The following PCDHA10 variants were observed in gnomAD, a reference collection of about 807,000 sequenced individuals.
The protein encoded by PCDHA10 is protocadherin alpha-10.
Under a neutral mutation model 61.2 loss-of-function variants are expected in PCDHA10, and 45 were observed. The ratio of observed to expected loss-of-function variants is 0.74; its 90% confidence interval spans 0.58 to 0.94. The LOEUF (loss-of-function observed/expected upper bound fraction) is 0.94. Ranked by LOEUF, PCDHA10 falls within the 40% of genes least tolerant of loss-of-function variation. PCDHA10 has a pLI of 0.00. For missense variants in PCDHA10, 1,278 were observed against 1,236.2 expected (o/e 1.03, Z -0.51); for synonymous variants, 602 against 548.8 (o/e 1.10, Z -1.35).
chr5:140,967,794 T>G, intron 1 of PCDHA10: 1 of 1,614,178 alleles, frequency 6.2e-7, no homozygotes. Flanking sequence ...CGGGGTCCAG[T>G]GCCCATGGCA....
In PCDHA10 at chr5:140,856,784, T is replaced by A; in HGVS notation, c.736T>A (p.Tyr246Asn). The A allele has an allele frequency of 6.3e-7, 1 of 1,596,522 alleles. No homozygotes were observed. Residue 246 changes from tyrosine to asparagine, a missense_variant, in exon 1 of 4, where the codon TAT becomes AAT. Physicochemically the swap from Tyr to Asn is moderately radical, Grantham distance 143. Coordinates refer to ENST00000307360, the MANE Select transcript of PCDHA10 (RefSeq NM_018901.4). The stretch of plus-strand genomic sequence containing the variant: ...CGCCCCTATCTTTGACAGACCGGTT[T>A]ATGAAGTTAAGATGTATGAAAATCA... ...DNAPIFDRPV[Y>N]EVKMYENQVN...
In PCDHA10 at chr5:140,929,533, A is replaced by G; in HGVS notation, c.2389-49416A>G. 8.5e-6 allele frequency: 5 copies of G among 588,644 alleles called. No individual in the cohort carries two copies. The East Asian group carries it at 1.3e-4, about 16-fold the overall frequency. The allele number at this position is 588,644 out of a possible 1,614,324, so 36.5% of individuals were successfully genotyped here. The stretch of plus-strand genomic sequence containing the variant: ...AAGGGACTTATAGTTTATTTTTGAG[A>G]AACAAGGGCAAAAATTAAAACCTAT... On this transcript the variant is annotated intron_variant, in intron 1 of 3. Coordinates refer to ENST00000307360, the MANE Select transcript of PCDHA10 (RefSeq NM_018901.4).
In PCDHA10 at chr5:140,856,435, G is replaced by T; in HGVS notation, c.387G>T (p.Pro129=). Reference sequence around the variant, plus strand: ...AAGTGAAGGACATTAACGACAACCCGCCCAGGTTCTCCGTAACAGAACAAA... The same window carrying T: ...AAGTGAAGGACATTAACGACAACCCTCCCAGGTTCTCCGTAACAGAACAAA... The part of the protein sequence containing the change: ...DVEVKDINDN[P]PRFSVTEQKL... Residue 129 remains proline, a synonymous_variant, in exon 1 of 4, where the codon CCG becomes CCT. Transcript: ENST00000307360. 1.9e-6 allele frequency: 3 copies of T among 1,598,320 alleles called. No homozygotes were observed. Among genetic ancestry groups the T allele is most frequent in the Non-Finnish European group, 2.6e-6 (3 of 1,167,900 alleles).
At chr5:140,966,259 G>C (rs1358322921) in intron 1 of PCDHA10, 1 of 340,612 alleles carries the variant, frequency 2.9e-6, no homozygotes, top group Non-Finnish European at 5.3e-6. Context: ...AGACGGTGGA[G>C]ACTGGATGAA....
chr5:140,932,703 G>A (rs1218359293), intron 1 of PCDHA10, among the ~76,000 whole-genome samples: 2 of 151,660 alleles, frequency 1.3e-5, no homozygotes, highest in Non-Finnish European at 3.0e-5. Flanking sequence ...AACTCATATA[G>A]ACAACACAAT....
chr5:140,970,872 T>C (rs2096439604), intron 1 of PCDHA10, among the ~76,000 whole-genome samples: 3 of 152,158 alleles, frequency 2.0e-5, no homozygotes, highest in African/African-American at 7.2e-5. Flanking sequence ...TGATTGAGAG[T>C]AGATTTTTCT....
At chr5:140,881,361 C>A (rs990387338) in intron 1 of PCDHA10, 6 of 985,126 alleles carry the variant, frequency 6.1e-6, no homozygotes, top group Non-Finnish European at 7.2e-6. Context: ...GCGTGGCTTT[C>A]GTATGAATTG....
At chr5:140,902,071 T>G (rs1288333473) in intron 1 of PCDHA10, among the ~76,000 whole-genome samples, 1 of 152,186 alleles carries the variant, frequency 6.6e-6, no homozygotes, top group African/African-American at 2.4e-5. Flanking sequence ...TTTACTGAAT[T>G]TATTGTTTTA....
chr5:140,982,596 G>A, intron 3 of PCDHA10, 33 bp downstream of exon 3: 2 of 1,609,850 alleles, frequency 1.2e-6, no homozygotes, highest in South Asian at 2.2e-5. Flanking sequence ...TTCTTTCTTG[G>A]TTTCTGGAAA....
rs1383347742 is a variant in PCDHA10, at chr5:140,943,271, AAAAAAAG to A, written c.2389-35674_2389-35668del. ...AGACTCTGTCTCAAAAAAAAAAAAA[AAAAAAAG>A]AAAGAAAGAATTAAATTTTGGGAAG... On this transcript the variant is annotated intron_variant, in intron 1 of 3. Transcript: ENST00000307360. Among the ~76,000 whole-genome samples, 73 of 150,734 alleles carry A rather than the reference AAAAAAAG, an allele frequency of 4.8e-4. 1 individual carries two copies. The highest frequency in any genetic ancestry group is 1.6e-3 in the African/African-American group (65 of 40,848).
At position 140,857,729 on chromosome 5, in the gene PCDHA10, G is replaced by A. The variant is rs782508750; in HGVS notation, c.1681G>A (p.Ala561Thr). 1.8e-5 allele frequency: 29 copies of A among 1,597,292 alleles called. 3 individuals are homozygous for A. The highest frequency in any genetic ancestry group is 1.3e-5 in the African/African-American group (1 of 74,288). ...GTTCGTGCTGGACGAGAACGACAACGCTCCCGCGCTGCTGGCGTCTCCCGC... is the reference window on the plus strand; with the variant it reads ...GTTCGTGCTGGACGAGAACGACAACACTCCCGCGCTGCTGGCGTCTCCCGC... The part of the protein sequence containing the change: ...QVFVLDENDN[A>T]PALLASPAGS... Residue 561 changes from alanine to threonine, a missense_variant, in exon 1 of 4, where the codon GCT becomes ACT. Transcript: ENST00000307360.
At chr5:140,984,964 G>A (rs930753325) in intron 3 of PCDHA10, among the ~76,000 whole-genome samples, 1 of 151,936 alleles carries the variant, frequency 6.6e-6, no homozygotes. Context: ...TTGAGACAGA[G>A]TCTCGCTCTG....
intron 1 of PCDHA10, among the ~76,000 whole-genome samples, chr5:140,912,343 AT>A (rs35252606): frequency 0.42 from 59,775 of 143,548 alleles, 12,483 homozygotes; most frequent in African/African-American, 0.57. Context: ...TACACTAAGT[AT>A]TTTTTTTTTT....
At chr5:140,943,257 CAA>C (rs1238620023) in intron 1 of PCDHA10, among the ~76,000 whole-genome samples, 5 of 77,564 alleles carry the variant, frequency 6.4e-5, no homozygotes, top group Non-Finnish European at 2.5e-5. Flanking sequence ...GACTCTGTCT[CAA>C]AAAAAAAAAA....
At chr5:140,875,375 A>C in intron 1 of PCDHA10, 2 of 1,456,838 alleles carry the variant, frequency 1.4e-6, no homozygotes, top group East Asian at 5.0e-5. Flanking sequence ...AATTTACTAA[A>C]TATGTACTTA....
At chr5:141,000,414 TATA>T (rs1563651539) in intron 3 of PCDHA10, among the ~76,000 whole-genome samples, 16 of 99,530 alleles carry the variant, frequency 1.6e-4, no homozygotes, top group African/African-American at 2.5e-4. Flanking sequence ...TATATATATA[TATA>T]TATATTTTTT....
Position 140,898,798 on chromosome 5 carries a change from G to A in PCDHA10, c.2388+40362G>A, listed in dbSNP as rs1441416892. On this transcript the variant is annotated intron_variant, in intron 1 of 3. Coordinates refer to ENST00000307360, the MANE Select transcript of PCDHA10 (RefSeq NM_018901.4). The stretch of plus-strand genomic sequence containing the variant: ...CCTTGGGCAGTATGGCCATTTTCAC[G>A]ATACTGATTCTTCCTACCCATGAGC... Among the ~76,000 whole-genome samples the A allele has an allele frequency of 2.6e-4, 39 of 152,120 alleles. 1 individual carries two copies. Among genetic ancestry groups the A allele is most frequent in the African/African-American group, 7.2e-5 (3 of 41,414 alleles).
In PCDHA10 at chr5:141,009,476, C is replaced by G. The variant is rs970744618; in HGVS notation, c.2537-151C>G. ...TTAAACAAATAAATAAATAAGTAAA[C>G]ACTTGCCTTGCCCTCAGACTTGAAC... On this transcript the variant is annotated intron_variant, in intron 3 of 3. Coordinates refer to ENST00000307360, the MANE Select transcript of PCDHA10 (RefSeq NM_018901.4). 2.3e-5 allele frequency: 32 copies of G among 1,420,036 alleles called. No individual in the cohort carries two copies. The East Asian group carries it at 7.2e-4, about 32-fold the overall frequency. 88.0% of individuals were successfully genotyped at this position (1,420,036 alleles called of 1,614,324 possible).
At chr5:140,934,901 T>C (rs1270837168) in intron 1 of PCDHA10, among the ~76,000 whole-genome samples, 1 of 152,192 alleles carries the variant, frequency 6.6e-6, no homozygotes, top group African/African-American at 2.4e-5. Flanking sequence ...CCTTTTATTT[T>C]GGAATAATTA....
Sources: allele counts gnomAD v4.1 joint callset (sites outside exome capture counted in the v4.1 genomes callset), GRCh38; gene constraint gnomAD v4.1.1; transcripts MANE v1.5; gene names NCBI Gene and HGNC (gene_info 2026-07-23, HGNC 2026-07-21).